SLIRP: variants seen among roughly 807,000 people sequenced by gnomAD.
SLIRP encodes SRA stem-loop interacting RNA binding protein.
Under a neutral mutation model 13.4 loss-of-function variants are expected in SLIRP, and 12 were observed. The ratio of observed to expected loss-of-function variants is 0.89; its 90% CI spans 0.57 to 1.45. The LOEUF is 1.45. Ranked by LOEUF, SLIRP falls within the 40% of genes most tolerant of loss-of-function variation. The pLI is 0.00. For synonymous variants in SLIRP, 55 were observed against 47.1 expected (o/e 1.17, Z -0.69); for missense variants, 154 against 132.2 (o/e 1.17, Z -0.81).
intron 2 of SLIRP, chr14:77,712,137 G>A (rs1408549571): frequency 6.6e-6 from 1 of 152,186 alleles, no homozygotes; most frequent in Non-Finnish European, 1.5e-5. Flanking sequence ...GCTGAGCACA[G>A]TTTAGCTGGG....
chr14:77,709,518 C>G (rs1230870493), intron 1 of SLIRP, among the ~76,000 whole-genome samples: 1 of 152,180 alleles, frequency 6.6e-6, no homozygotes, highest in Non-Finnish European at 1.5e-5. Flanking sequence ...CAATAAAGGG[C>G]TAGTTTAAAA....
Position 77,715,781 on chromosome 14 carries a change from A to T in SLIRP, c.166A>T (p.Thr56Ser). 1 of 1,612,978 alleles carries T rather than the reference A, an allele frequency of 6.2e-7. No individual in the cohort carries two copies. ...TATTTTGAATTTTTAGGACAAGGAG[A>T]CTGGCTTTCACAGAGGTTTGGGTTG... ...RRCILPFDKE[T>S]GFHRGLGWVQ... The change falls in exon 3 of 4, where the codon ACT becomes TCT. Residue 56 changes from threonine (T) to serine (S), a missense_variant. Coordinates refer to ENST00000557342, the MANE Select transcript of SLIRP (RefSeq NM_031210.6).
chr14:77,710,527 C>A, intron 1 of SLIRP: 1 of 1,313,956 alleles, frequency 7.6e-7, no homozygotes, highest in Non-Finnish European at 1.0e-6. Flanking sequence ...TGTAATTTGT[C>A]TTTTTCTTCA....
chr14:77,715,738 A>T lies in SLIRP; in HGVS notation c.157-34A>T. The T allele has an allele frequency of 2.6e-6, 4 of 1,558,276 alleles. No individual in the cohort carries two copies. In the South Asian group the frequency reaches 3.5e-5, roughly 14 times the overall value. ...AACTCATGGAAACTTTCTGAAGTTC[A>T]TGATTAATCTTTTCCTATATTTTGA... On this transcript the variant is annotated intron_variant, in intron 2 of 3. Coordinates refer to ENST00000557342, the MANE Select transcript of SLIRP (RefSeq NM_031210.6).
chr14:77,717,213 C>T (rs1236241033), intron 3 of SLIRP, among the ~76,000 whole-genome samples: 1 of 152,172 alleles, frequency 6.6e-6, no homozygotes, highest in African/African-American at 2.4e-5. Flanking sequence ...GTGTTGAACT[C>T]CTGGCCTCAA....
intron 2 of SLIRP, among the ~76,000 whole-genome samples, chr14:77,712,572 G>A (rs2080449095): frequency 6.6e-6 from 1 of 151,660 alleles, no homozygotes; most frequent in Non-Finnish European, 1.5e-5. Flanking sequence ...AGCCTCCTGA[G>A]TAGCTGGGAC....
chr14:77,714,738 C>T (rs1374558969), intron 2 of SLIRP, among the ~76,000 whole-genome samples: 2 of 152,182 alleles, frequency 1.3e-5, no homozygotes, highest in African/African-American at 4.8e-5. Flanking sequence ...TAGGTTAATC[C>T]TTATAAAGTT....
At chr14:77,708,275 T>G in intron 1 of SLIRP, 67 bp downstream of exon 1, 1 of 1,517,986 alleles carries the variant, frequency 6.6e-7, no homozygotes, top group Non-Finnish European at 9.1e-7. Flanking sequence ...CTTCTGCTTT[T>G]TGCAGGGTAC....
At chr14:77,714,422 AC>A (rs1157858027) in intron 2 of SLIRP, among the ~76,000 whole-genome samples, 1 of 151,938 alleles carries the variant, frequency 6.6e-6, no homozygotes, top group Non-Finnish European at 1.5e-5. Flanking sequence ...TTCCTCAGTC[AC>A]CCAGATAGCT....
intron 1 of SLIRP, among the ~76,000 whole-genome samples, chr14:77,709,875 G>A (rs576086555): frequency 7.9e-5 from 12 of 152,260 alleles, no homozygotes; most frequent in African/African-American, 2.9e-4. Flanking sequence ...ATTGTTGGAA[G>A]GATTAGTGGA....
rs779506000 is a variant in SLIRP at position 77,710,599 on chromosome 14, A to T, written c.98-239A>T. 4.0e-6 allele frequency: 6 copies of T among 1,502,200 alleles called. No homozygotes were observed. The East Asian group carries it at 1.6e-4, about 39-fold the overall frequency. The allele number at this position is 1,502,200 out of a possible 1,614,324, so 93.1% of individuals were successfully genotyped here. ...ACAGTAACTGGTATGAAAACACTCG[A>T]TATTTGCTGAGGATGGAGACTGCAG... On this transcript the variant is annotated intron_variant, in intron 1 of 3. Coordinates refer to ENST00000557342, the MANE Select transcript of SLIRP (RefSeq NM_031210.6).
intron 2 of SLIRP, among the ~76,000 whole-genome samples, chr14:77,713,539 G>C (rs1025940566): frequency 6.6e-6 from 1 of 152,176 alleles, no homozygotes; most frequent in South Asian, 2.1e-4. Context: ...GGTACCTTCA[G>C]TTCTGTTGTG....
At position 77,713,022 on chromosome 14, in the gene SLIRP, C is replaced by G. The variant is rs1392672529; in HGVS notation, c.156+2126C>G. On this transcript the variant is annotated intron_variant, in intron 2 of 3. Coordinates refer to ENST00000557342, the MANE Select transcript of SLIRP (RefSeq NM_031210.6). ...GAAGCAAGTCAGGTTTCTCCTCCAC[C>G]CAAGGAGGGGAGGAGATTATATAGG... is the stretch of plus-strand genomic sequence containing the variant. Among the ~76,000 whole-genome samples the G allele has an allele frequency of 4.6e-5, 7 of 152,146 alleles. No homozygotes were observed. In the South Asian group the frequency reaches 1.0e-3, roughly 23 times the overall value.
intron 2 of SLIRP, among the ~76,000 whole-genome samples, chr14:77,714,071 C>T (rs1050003144): frequency 6.6e-6 from 1 of 151,432 alleles, no homozygotes; most frequent in Non-Finnish European, 1.5e-5. Context: ...TGCAGTGGCA[C>T]AATCAAGTTC....
intron 3 of SLIRP, among the ~76,000 whole-genome samples, chr14:77,717,027 A>G (rs2080490239): frequency 6.6e-6 from 1 of 152,152 alleles, no homozygotes; most frequent in African/African-American, 2.4e-5. Flanking sequence ...GGCCTCCCAA[A>G]GTGCTGGGAT....
At chr14:77,711,201 ATATT>A (rs1176536226) in intron 2 of SLIRP, among the ~76,000 whole-genome samples, 1 of 145,604 alleles carries the variant, frequency 6.9e-6, no homozygotes, top group Non-Finnish European at 1.5e-5. Context: ...ATAAATATAC[ATATT>A]TATATATATA....
At chr14:77,716,661 A>G (rs895218634) in intron 3 of SLIRP, among the ~76,000 whole-genome samples, 2 of 151,550 alleles carry the variant, frequency 1.3e-5, no homozygotes, top group African/African-American at 4.8e-5. Context: ...AAAAAAAAAA[A>G]AAATGGGGGG....
At chr14:77,710,026 A>G (rs1028573595) in intron 1 of SLIRP, among the ~76,000 whole-genome samples, 1 of 152,212 alleles carries the variant, frequency 6.6e-6, no homozygotes, top group African/African-American at 2.4e-5. Flanking sequence ...TTGTTGAACC[A>G]GTGAGGTTTT....
chr14:77,708,663 G>T (rs1030111379), intron 1 of SLIRP, among the ~76,000 whole-genome samples: 11 of 152,206 alleles, frequency 7.2e-5, no homozygotes, highest in African/African-American at 2.7e-4. Flanking sequence ...TTTCGTGATG[G>T]CTTAAGTGGG....
Sources: gnomAD v4.1 joint callset for allele counts (sites outside exome capture counted in the v4.1 genomes callset) on GRCh38, gnomAD v4.1.1 for gene constraint, MANE v1.5 for transcripts, NCBI Gene and HGNC (gene_info 2026-07-23, HGNC 2026-07-21) for gene names.